Variants in CLASP2 observed in about 807,000 individuals in gnomAD.
CLASP2 encodes cytoplasmic linker associated protein 2.
A neutral mutation model predicts 194.4 loss-of-function variants in CLASP2; 47 were observed. The ratio of observed to expected loss-of-function variants is 0.24; its 90% CI spans 0.19 to 0.31. The LOEUF is 0.31. CLASP2 is among the 10% of genes least tolerant of loss of function. CLASP2 has a pLI of 1.00. For missense variants in CLASP2, 1,445 were observed against 1,823.6 expected, an observed-to-expected ratio of 0.79 and a Z score of 3.78; for synonymous variants, 619 against 633.5, an observed-to-expected ratio of 0.98 and a Z score of 0.34.
intron 8 of CLASP2, among the ~76,000 whole-genome samples, chr3:33,641,379 TTTATCC>T (rs1273534580): frequency 6.6e-6 from 1 of 152,004 alleles, no homozygotes; most frequent in Non-Finnish European, 1.5e-5. Flanking sequence ...GAGAATTTAC[TTTATCC>T]TTATTCTAAT....
intron 12 of CLASP2, among the ~76,000 whole-genome samples, chr3:33,616,825 C>G (rs188517226): frequency 2.4e-4 from 36 of 150,288 alleles, no homozygotes; most frequent in African/African-American, 7.8e-4. Flanking sequence ...GCAACCTCCC[C>G]CTCCCAAGTT....
At chr3:33,570,613 A>G (rs920301000) in intron 26 of CLASP2, 114 bp downstream of exon 26, 2 of 1,296,428 alleles carry the variant, frequency 1.5e-6, no homozygotes, top group African/African-American at 3.0e-5. Flanking sequence ...TTATGCTTGA[A>G]AATATTACTG....
chr3:33,619,873 G>A (rs954098619), intron 11 of CLASP2, 135 bp from the exon 12 acceptor site: 2 of 707,850 alleles, frequency 2.8e-6, no homozygotes, highest in Admixed American at 8.3e-5. Context: ...CAGAAAAACA[G>A]AAGAAAGAAA....
At chr3:33,581,718 AG>A (rs2154210964) in intron 23 of CLASP2, 102 bp downstream of exon 23, 1 of 724,938 alleles carries the variant, frequency 1.4e-6, no homozygotes, top group East Asian at 2.8e-5. Context: ...GTAGAGAGAA[AG>A]ATCTGTCGAC....
intron 21 of CLASP2, among the ~76,000 whole-genome samples, chr3:33,590,340 T>C (rs1034181977): frequency 6.6e-6 from 1 of 152,172 alleles, no homozygotes; most frequent in Non-Finnish European, 1.5e-5. Flanking sequence ...TAAACCAGTA[T>C]GTACTTCTCA....
At chr3:33,639,158 A>G (rs2080809591) in intron 8 of CLASP2, among the ~76,000 whole-genome samples, 1 of 152,084 alleles carries the variant, frequency 6.6e-6, no homozygotes, top group Non-Finnish European at 1.5e-5. Flanking sequence ...CCTGGGTTCA[A>G]GTGATCCTCC....
chr3:33,588,781 A>T, intron 21 of CLASP2: 1 of 700,296 alleles, frequency 1.4e-6, no homozygotes, highest in Non-Finnish European at 2.6e-6. Context: ...ATCCATGAAG[A>T]GGGAAGGAGC....
Position 33,543,464 on chromosome 3 carries a change from T to C in CLASP2, c.3373A>G (p.Thr1125Ala). The change falls in exon 32 of 39, where the codon ACC becomes GCC. Residue 1125 changes from threonine to alanine, a missense_variant. By Grantham distance (58) the Thr-to-Ala change is moderately conservative. Coordinates refer to ENST00000682230, the MANE Select transcript of CLASP2 (RefSeq NM_001365631.1). ...ANWSSPLTSP[T>A]NTSQNTLSPS... ...GATAAAGTATTCTGTGATGTATTGG[T>C]AGGAGAAGTAAGAGGACTGGACCAG... 2 of 1,610,264 alleles carry C rather than the reference T, an allele frequency of 1.2e-6. No homozygotes were observed. Among genetic ancestry groups the C allele is most frequent in the Non-Finnish European group, 8.5e-7 (1 of 1,176,480 alleles).
chr3:33,674,682 A>G (rs1486652340), intron 6 of CLASP2, among the ~76,000 whole-genome samples: 2 of 152,140 alleles, frequency 1.3e-5, no homozygotes, highest in African/African-American at 4.8e-5. Flanking sequence ...AATTGATAAG[A>G]CTGCTAGCAA....
chr3:33,568,903 A>C (rs1442516097), intron 26 of CLASP2, among the ~76,000 whole-genome samples: 1 of 152,168 alleles, frequency 6.6e-6, no homozygotes, highest in Non-Finnish European at 1.5e-5. Context: ...ACAATGCAAA[A>C]ACTCAAACAT....
chr3:33,674,492 C>T (rs901310046), intron 6 of CLASP2, among the ~76,000 whole-genome samples: 1 of 150,872 alleles, frequency 6.6e-6, no homozygotes, highest in African/African-American at 2.5e-5. Flanking sequence ...AGGAAAGATC[C>T]AAAATTGACA....
intron 22 of CLASP2, 40 bp from the exon 23 acceptor site, chr3:33,581,968 A>C: frequency 1.4e-6 from 2 of 1,407,330 alleles, no homozygotes; most frequent in Non-Finnish European, 2.0e-6. Flanking sequence ...TAAGGGAGAA[A>C]ACAGAACAGA....
chr3:33,507,100 G>A (rs1043400973), intron 37 of CLASP2, among the ~76,000 whole-genome samples: 4 of 151,940 alleles, frequency 2.6e-5, no homozygotes, highest in East Asian at 1.9e-4. Context: ...CACCACACCC[G>A]GCTGATTTTT....
intron 18 of CLASP2, among the ~76,000 whole-genome samples, chr3:33,600,186 C>A (rs1344605650): frequency 6.6e-6 from 1 of 151,796 alleles, no homozygotes; most frequent in African/African-American, 2.4e-5. Context: ...AATTTGGATA[C>A]CTTCTATTTA....
intron 37 of CLASP2, chr3:33,503,787 T>C (rs975948154): frequency 2.0e-4 from 30 of 152,156 alleles, no homozygotes; most frequent in African/African-American, 7.0e-4. Flanking sequence ...TACCACCAAT[T>C]TGTATTTATG....
Position 33,606,657 on chromosome 3 carries a change from C to T in CLASP2, c.1628G>A (p.Ser543Asn). 6.2e-7 allele frequency: 1 copy of T among 1,613,610 alleles called. No homozygotes were observed. Among genetic ancestry groups the T allele is most frequent in the East Asian group, 2.2e-5 (1 of 44,860 alleles). ...YQKSLQTYLKSSGSVASLPQS... is the reference protein window; with the variant it reads ...YQKSLQTYLKNSGSVASLPQS... The stretch of plus-strand genomic sequence containing the variant: ...TGGAAGAGATGCTACACTGCCAGAA[C>T]TCTTTAAGTAAGTTTGAAGACTCTT... The change falls in exon 16 of 39, where the codon AGT (serine) becomes AAT (asparagine). Residue 543 changes from serine to asparagine, a missense_variant. This residue lies in a region of CLASP2 where 174 missense variants were observed against 179.0 expected (regional missense o/e 0.97). Transcript: ENST00000682230.
intron 5 of CLASP2, 34 bp from the exon 6 acceptor site, chr3:33,684,490 A>T: frequency 6.6e-6 from 9 of 1,363,438 alleles, no homozygotes; most frequent in Non-Finnish European, 9.3e-6. Context: ...TAATAAACTT[A>T]TATATGATAC....
intron 18 of CLASP2, chr3:33,602,517 A>G (rs925457436): frequency 1.3e-6 from 1 of 759,590 alleles, no homozygotes; most frequent in Non-Finnish European, 2.4e-6. Context: ...AGAGTTTTGG[A>G]ATATATGTTT....
intron 21 of CLASP2, among the ~76,000 whole-genome samples, chr3:33,591,644 T>C (rs1489736004): frequency 6.6e-6 from 1 of 152,198 alleles, no homozygotes; most frequent in Non-Finnish European, 1.5e-5. Context: ...AAAAATGCCA[T>C]AAATATGTTT....
Sources: gnomAD v4.1 joint callset for allele counts (sites outside exome capture counted in the v4.1 genomes callset) on GRCh38, gnomAD v4.1.1 for gene constraint, gnomAD v4.1.1 regional missense constraint, MANE v1.5 for transcripts, NCBI Gene and HGNC (gene_info 2026-07-23, HGNC 2026-07-21) for gene names.